Variants in FARS2 observed in about 807,000 individuals in gnomAD.
FARS2 encodes the protein phenylalanyl-tRNA synthetase 2, mitochondrial, also known as phenylalanine--tRNA ligase, mitochondrial.
FARS2 carries 40 observed loss-of-function variants against 46.4 expected under a neutral mutation model. That is an observed-to-expected ratio of 0.86 (90% CI 0.67 to 1.12). The LOEUF (loss-of-function observed/expected upper bound fraction) is 1.12, where lower values mean the gene tolerates loss of function less well. Among genes scored for constraint, FARS2 ranks in the 50% most tolerant of loss-of-function variants. FARS2 has a pLI of 0.00. For synonymous variants in FARS2, 234 were observed against 214.9 expected (o/e 1.09, Z -0.78); for missense variants, 513 against 567.9 (o/e 0.90, Z 0.98).
chr6:5,526,598 T>A (rs1235599607), intron 4 of FARS2, among the ~76,000 whole-genome samples: 7 of 152,168 alleles, frequency 4.6e-5, no homozygotes, highest in Admixed American at 1.3e-4. Context: ...ATGCCTGGTT[T>A]CTTTTTTCTT....
chr6:5,731,884 C>G (rs139197429), intron 6 of FARS2, among the ~76,000 whole-genome samples: 4,265 of 152,244 alleles, frequency 0.028, 97 homozygotes, highest in Non-Finnish European at 0.043. Flanking sequence ...TTTATTCTTT[C>G]ATGTTTCATC....
upstream of FARS2, among the ~76,000 whole-genome samples, chr6:5,256,988 T>A (rs1450172476): frequency 6.6e-6 from 1 of 152,162 alleles, no homozygotes; most frequent in African/African-American, 2.4e-5. Flanking sequence ...AAATACAACA[T>A]TCTTCTCTAT....
chr6:5,305,853 G>A (rs953561211), intron 1 of FARS2, among the ~76,000 whole-genome samples: 1 of 152,188 alleles, frequency 6.6e-6, no homozygotes, highest in African/African-American at 2.4e-5. Flanking sequence ...AGAGATTGTG[G>A]CCTTGAGGCA....
intron 1 of FARS2, among the ~76,000 whole-genome samples, chr6:5,354,296 G>A (rs907242790): frequency 5.3e-5 from 8 of 151,996 alleles, no homozygotes; most frequent in African/African-American, 1.5e-4. Context: ...GACTCAGAGG[G>A]GATGGAGGAG....
rs144608235 is a variant in FARS2 at position 5,759,037 on chromosome 6, T to G, written c.1218-12254T>G. Among the ~76,000 whole-genome samples the G allele has an allele frequency of 1.9e-3, 288 of 152,288 alleles. 2 individuals carry two copies. Among genetic ancestry groups the G allele is most frequent in the African/African-American group, 5.8e-3 (239 of 41,560 alleles). ...AGATGGTGGTGCTCTAAACTGAGCTTGACGGGACATGCAGAACTGTTTTCT... is the reference window on the plus strand; with the variant it reads ...AGATGGTGGTGCTCTAAACTGAGCTGGACGGGACATGCAGAACTGTTTTCT... On this transcript the variant is annotated intron_variant, in intron 6 of 6. Coordinates refer to ENST00000274680, the MANE Select transcript of FARS2 (RefSeq NM_006567.5).
At chr6:5,322,371 G>C (rs901519240) in intron 1 of FARS2, among the ~76,000 whole-genome samples, 4 of 152,156 alleles carry the variant, frequency 2.6e-5, no homozygotes. Context: ...GTTTGCCAAC[G>C]TATAGAAAAG....
chr6:5,568,311 T>C (rs1322148019), intron 5 of FARS2, among the ~76,000 whole-genome samples: 2 of 152,162 alleles, frequency 1.3e-5, no homozygotes, highest in Non-Finnish European at 1.5e-5. Flanking sequence ...TTTATTAAGA[T>C]TTTTGTTGAT....
chr6:5,770,904 G>A (rs573212086), intron 6 of FARS2, among the ~76,000 whole-genome samples: 2 of 152,098 alleles, frequency 1.3e-5, no homozygotes, highest in Non-Finnish European at 2.9e-5. Flanking sequence ...GGAGGCACAC[G>A]CGGGTTGACC....
chr6:5,553,525 G>T (rs1323804789), intron 5 of FARS2, among the ~76,000 whole-genome samples: 7 of 152,144 alleles, frequency 4.6e-5, no homozygotes, highest in Non-Finnish European at 2.9e-5. Flanking sequence ...AGGGCTTCCA[G>T]AAGCCATTCC....
chr6:5,270,107 C>A (rs568849643), intron 1 of FARS2, among the ~76,000 whole-genome samples: 1 of 152,232 alleles, frequency 6.6e-6, no homozygotes, highest in Non-Finnish European at 1.5e-5. Context: ...GGAGAATTAT[C>A]TTTTTTTAAA....
At chr6:5,373,900 A>T (rs1008816494) in intron 2 of FARS2, among the ~76,000 whole-genome samples, 8 of 151,958 alleles carry the variant, frequency 5.3e-5, no homozygotes, top group African/African-American at 1.9e-4. Context: ...CAATGTGTAG[A>T]TCCTATTTTT....
At chr6:5,258,726 T>A (rs1764795998), upstream of FARS2, among the ~76,000 whole-genome samples, 1 of 152,222 alleles carries the variant, frequency 6.6e-6, no homozygotes, top group African/African-American at 2.4e-5. Context: ...GATAATATAT[T>A]TATATTTGGA....
chr6:5,558,016 C>T (rs1771764880), intron 5 of FARS2, among the ~76,000 whole-genome samples: 2 of 151,864 alleles, frequency 1.3e-5, no homozygotes, highest in South Asian at 4.2e-4. Context: ...TTCAGAGTTA[C>T]CAAGGAACTC....
chr6:5,254,649 G>GCTTAT, the FARS2 span, among the ~76,000 whole-genome samples: 1 of 152,178 alleles, frequency 6.6e-6, no homozygotes, highest in Non-Finnish European at 1.5e-5. Flanking sequence ...CTCAACATCT[G>GCTTAT]CTTATCTCCC....
At chr6:5,726,924 G>T (rs1760303856) in intron 6 of FARS2, among the ~76,000 whole-genome samples, 1 of 152,232 alleles carries the variant, frequency 6.6e-6, no homozygotes, top group African/African-American at 2.4e-5. Context: ...GACAGGGGCT[G>T]AAAGTAGCAT....
At chr6:5,600,626 A>G (rs1288655235) in intron 5 of FARS2, among the ~76,000 whole-genome samples, 2 of 152,240 alleles carry the variant, frequency 1.3e-5, no homozygotes, top group East Asian at 3.8e-4. Flanking sequence ...CTGATAGTGC[A>G]TGCTATTTTT....
intron 6 of FARS2, among the ~76,000 whole-genome samples, chr6:5,744,213 C>T (rs1761516200): frequency 6.6e-6 from 1 of 152,116 alleles, no homozygotes; most frequent in African/African-American, 2.4e-5. Context: ...GACGAAGCTG[C>T]CACAAAGAGG....
At chr6:5,316,464 A>G (rs1769525720) in intron 1 of FARS2, among the ~76,000 whole-genome samples, 1 of 152,198 alleles carries the variant, frequency 6.6e-6, no homozygotes, top group Admixed American at 6.5e-5. Context: ...GTGAAAATCA[A>G]TGACTCTTCC....
At position 5,738,450 on chromosome 6, in the gene FARS2, A is replaced by G. The variant is rs543343877; in HGVS notation, c.1218-32841A>G. The stretch of plus-strand genomic sequence containing the variant: ...ATTACTACGATCCAAAGTGAGGTCA[A>G]TGAGTAAGAGATTCAGAATATGTCC... On this transcript the variant is annotated intron_variant, in intron 6 of 6. Transcript: ENST00000274680. Among the ~76,000 whole-genome samples, 6 of 152,342 alleles carry G rather than the reference A, an allele frequency of 3.9e-5. No homozygotes were observed. The South Asian group carries it at 1.0e-3, about 26-fold the overall frequency.
Sources: allele counts gnomAD v4.1 joint callset (sites outside exome capture counted in the v4.1 genomes callset), GRCh38; gene constraint gnomAD v4.1.1; transcripts MANE v1.5; gene names NCBI Gene and HGNC (gene_info 2026-07-23, HGNC 2026-07-21).